Variants in SHROOM3 observed in about 807,000 individuals in gnomAD.
SHROOM3 encodes the protein shroom family member 3.
SHROOM3 carries 47 observed loss-of-function variants against 138.6 expected under a neutral mutation model. The ratio of observed to expected loss-of-function variants is 0.34; its 90% CI spans 0.27 to 0.43. The LOEUF (loss-of-function observed/expected upper bound fraction) is 0.43, where lower values mean the gene tolerates loss of function less well. SHROOM3 is among the 20% of genes least tolerant of loss of function. The pLI, the probability that SHROOM3 is intolerant of heterozygous loss-of-function variation, is 1.00. For missense variants in SHROOM3, 2,491 were observed against 2,596.5 expected (o/e 0.96, Z 0.88); for synonymous variants, 1,062 against 1,063.3 (o/e 1.00, Z 0.02).
Position 76,759,624 on chromosome 4 carries a change from C to T in SHROOM3, c.5278C>T (p.Leu1760=). 6.2e-7 allele frequency: 1 copy of T among 1,614,076 alleles called. No homozygotes were observed. The highest frequency in any genetic ancestry group is 2.2e-5 in the East Asian group (1 of 44,888). ...TGTGTCTGCTCCCAAGGCTGAGCTA[C>T]TGAACAAAATCAAAGAGATGCCAGC... is the stretch of plus-strand genomic sequence containing the variant. ...YSVSAPKAEL[L]NKIKEMPAEV... is the part of the protein sequence containing the mutation. Residue 1760 remains leucine, a synonymous_variant, in exon 9 of 11, where the codon CTG becomes TTG. Coordinates refer to ENST00000296043, the MANE Select transcript of SHROOM3 (RefSeq NM_020859.4).
chr4:76,524,976 G>A (rs139673629), intron 1 of SHROOM3, among the ~76,000 whole-genome samples: 205 of 152,246 alleles, frequency 1.3e-3, no homozygotes, highest in African/African-American at 4.2e-3. Flanking sequence ...GAGTGCAATT[G>A]CTAGATCATA....
At chr4:76,643,970 A>G (rs1030855276) in intron 2 of SHROOM3, among the ~76,000 whole-genome samples, 3 of 151,414 alleles carry the variant, frequency 2.0e-5, no homozygotes, top group Admixed American at 1.3e-4. Context: ...TCGGCCTCCA[A>G]AGTAGCTGGT....
chr4:76,547,823 G>A (rs896284411), intron 1 of SHROOM3, among the ~76,000 whole-genome samples: 5 of 151,864 alleles, frequency 3.3e-5, no homozygotes, highest in South Asian at 2.1e-4. Flanking sequence ...CCAGCTACTC[G>A]AGACACTGAG....
chr4:76,731,890 T>A (rs769201693), intron 4 of SHROOM3, among the ~76,000 whole-genome samples: 2 of 152,208 alleles, frequency 1.3e-5, no homozygotes, highest in Non-Finnish European at 2.9e-5. Context: ...CAAGCCAGGT[T>A]TCAAAGCTGC....
At chr4:76,623,124 C>A (rs1279907783) in intron 2 of SHROOM3, among the ~76,000 whole-genome samples, 1 of 152,206 alleles carries the variant, frequency 6.6e-6, no homozygotes, top group African/African-American at 2.4e-5. Flanking sequence ...TAAGTTGTGA[C>A]TCCTCTTTCA....
chr4:76,780,874 C>T lies in SHROOM3; in HGVS notation c.*1697C>T, dbSNP rs1722719148. The stretch of plus-strand genomic sequence containing the variant: ...GTGACAGCATTCAACAGCCACACTG[C>T]ATGGTCATCAGTCTTAGGCCAACAT... On this transcript the variant is annotated 3_prime_UTR_variant, in exon 11 of 11. Coordinates refer to ENST00000296043, the MANE Select transcript of SHROOM3 (RefSeq NM_020859.4). The T allele has an allele frequency of 6.6e-6, 1 of 152,218 alleles. No individual in the cohort carries two copies. The highest frequency in any genetic ancestry group is 2.4e-5 in the African/African-American group (1 of 41,440). 9.4% of individuals were successfully genotyped at this position (152,218 alleles called of 1,614,324 possible). A position where few individuals can be genotyped will look rare whatever the true frequency, so the allele number is the denominator to read the frequency against.
chr4:76,525,352 A>C (rs1732667196), intron 1 of SHROOM3, among the ~76,000 whole-genome samples: 1 of 152,208 alleles, frequency 6.6e-6, no homozygotes, highest in South Asian at 2.1e-4. Context: ...TCATGAGAAC[A>C]TCATGGGGGA....
intron 2 of SHROOM3, among the ~76,000 whole-genome samples, chr4:76,661,885 G>C (rs549733271): frequency 7.9e-5 from 12 of 152,180 alleles, no homozygotes; most frequent in African/African-American, 2.9e-4. Flanking sequence ...CATTTTTCTT[G>C]GGTAAATACC....
intron 2 of SHROOM3, among the ~76,000 whole-genome samples, chr4:76,558,989 C>G (rs371946635): frequency 5.9e-5 from 9 of 152,210 alleles, no homozygotes. Flanking sequence ...ACGTTCTCCT[C>G]TCCATTTTCA....
rs548271198 is a variant in SHROOM3, at chr4:76,676,715, A to G, written c.324-33441A>G. 6.6e-5 allele frequency among the ~76,000 whole-genome samples: 10 copies of G among 152,224 alleles called. No individual in the cohort carries two copies. In the South Asian group the frequency reaches 2.1e-3, roughly 32 times the overall value. ...ATTATTCGACTCATTAAAGGTCGTTAGAAAAACTCTGACCCTTGGAGAGCG... is the reference window on the plus strand; with the variant it reads ...ATTATTCGACTCATTAAAGGTCGTTGGAAAAACTCTGACCCTTGGAGAGCG... On this transcript the variant is annotated intron_variant, in intron 2 of 10. Transcript: ENST00000296043.
At position 76,728,658 on chromosome 4, in the gene SHROOM3, C is replaced by T. The variant is rs1332908004; in HGVS notation, c.456-2146C>T. 2.6e-5 allele frequency among the ~76,000 whole-genome samples: 4 copies of T among 152,242 alleles called. No homozygotes were observed. In the South Asian group the frequency reaches 8.3e-4, roughly 31 times the overall value. ...CTTGATTTTGCATCTACTTCATCTC[C>T]TTAGCCCAAGCTGTGCACCTGCTCC... On this transcript the variant is annotated intron_variant, in intron 3 of 10. Transcript: ENST00000296043.
chr4:76,751,524 G>C (rs1399679541), intron 6 of SHROOM3, among the ~76,000 whole-genome samples: 1 of 152,146 alleles, frequency 6.6e-6, no homozygotes, highest in Admixed American at 6.5e-5. Flanking sequence ...CTTCTTTCCT[G>C]TTTTCAAACA....
intron 2 of SHROOM3, among the ~76,000 whole-genome samples, chr4:76,618,821 C>T (rs1330453005): frequency 6.6e-6 from 1 of 151,964 alleles, no homozygotes; most frequent in African/African-American, 2.4e-5. Flanking sequence ...CTTATTTTTT[C>T]CTTCCAGTAC....
At chr4:76,529,750 C>T (rs1441819993) in intron 1 of SHROOM3, among the ~76,000 whole-genome samples, 1 of 152,174 alleles carries the variant, frequency 6.6e-6, no homozygotes, top group Non-Finnish European at 1.5e-5. Flanking sequence ...GACTTATTCT[C>T]TTGCTCTATT....
intron 10 of SHROOM3, among the ~76,000 whole-genome samples, chr4:76,774,924 CTTGA>C (rs1722498877): frequency 6.6e-6 from 1 of 151,910 alleles, no homozygotes; most frequent in Middle Eastern, 3.4e-3. Flanking sequence ...GATCTTATTT[CTTGA>C]TTGATTTTCA....
At chr4:76,582,144 C>T (rs1734064066) in intron 2 of SHROOM3, among the ~76,000 whole-genome samples, 2 of 152,134 alleles carry the variant, frequency 1.3e-5, no homozygotes, top group Non-Finnish European at 2.9e-5. Context: ...ATAACAAACA[C>T]AATACATATG....
At chr4:76,631,688 C>A (rs1735329167) in intron 2 of SHROOM3, among the ~76,000 whole-genome samples, 1 of 152,178 alleles carries the variant, frequency 6.6e-6, no homozygotes. Flanking sequence ...CGTAGGGCCT[C>A]ATAGGCCATA....
At chr4:76,505,514 G>A (rs1413258138) in intron 1 of SHROOM3, among the ~76,000 whole-genome samples, 2 of 151,756 alleles carry the variant, frequency 1.3e-5, no homozygotes, top group Non-Finnish European at 2.9e-5. Flanking sequence ...TGTGGGTTCT[G>A]CATCTATGGA....
chr4:76,688,957 C>A, intron 2 of SHROOM3: 4 of 779,822 alleles, frequency 5.1e-6, no homozygotes, highest in Non-Finnish European at 6.1e-6. Flanking sequence ...CCTTGTAATG[C>A]GAGCTTTTTT....
Sources: allele counts gnomAD v4.1 joint callset (sites outside exome capture counted in the v4.1 genomes callset), GRCh38; gene constraint gnomAD v4.1.1; transcripts MANE v1.5; gene names NCBI Gene and HGNC (gene_info 2026-07-23, HGNC 2026-07-21).